The following KLRG1 variants were observed in gnomAD, a reference collection of about 807,000 sequenced individuals.
KLRG1 encodes killer cell lectin like receptor G1.
KLRG1 carries 16 observed loss-of-function variants against 21.8 expected under a neutral mutation model. The observed-to-expected ratio is 0.73, with a 90% CI of 0.50 to 1.11. KLRG1 has a LOEUF of 1.11. Among genes scored for constraint, KLRG1 ranks in the 50% most tolerant of loss-of-function variants. KLRG1 has a pLI of 0.00. For missense variants in KLRG1, 173 were observed against 218.3 expected (o/e 0.79, Z 1.31); for synonymous variants, 69 against 75.9 (o/e 0.91, Z 0.47).
At chr12:9,158,218 G>A in the KLRG1 span, among the ~76,000 whole-genome samples, 1 of 152,192 alleles carries the variant, frequency 6.6e-6, no homozygotes, top group Non-Finnish European at 1.5e-5. Flanking sequence ...GCCTCCCAAA[G>A]TGCTGTGATT....
intron 1 of KLRG1, among the ~76,000 whole-genome samples, chr12:8,961,961 C>T (rs1363890575): frequency 6.6e-6 from 1 of 152,120 alleles, no homozygotes; most frequent in Non-Finnish European, 1.5e-5. Flanking sequence ...TGGTACGCAC[C>T]TGTAGTCCCA....
At chr12:9,050,637 G>A in the KLRG1 span, among the ~76,000 whole-genome samples, 1 of 152,144 alleles carries the variant, frequency 6.6e-6, no homozygotes, top group African/African-American at 2.4e-5. Flanking sequence ...GGGGCCGGGA[G>A]TAGGCAGGAT....
At chr12:9,080,710 G>A in the KLRG1 span, among the ~76,000 whole-genome samples, 30 of 152,178 alleles carry the variant, frequency 2.0e-4, 1 homozygote, top group South Asian at 5.2e-3. Flanking sequence ...AAGTGAAGAC[G>A]AACAGTATTT....
the KLRG1 span, among the ~76,000 whole-genome samples, chr12:9,195,746 G>A: frequency 1.3e-5 from 2 of 149,700 alleles, no homozygotes; most frequent in South Asian, 2.1e-4. Context: ...GAGCCACTAT[G>A]CCTGGCCAAA....
the KLRG1 span, among the ~76,000 whole-genome samples, chr12:9,141,904 G>T: frequency 6.6e-6 from 1 of 152,164 alleles, no homozygotes; most frequent in Non-Finnish European, 1.5e-5. Context: ...TTACCTAGCT[G>T]CAAAGCAGGC....
chr12:9,047,836 T>G, the KLRG1 span, among the ~76,000 whole-genome samples: 1 of 152,218 alleles, frequency 6.6e-6, no homozygotes, highest in Non-Finnish European at 1.5e-5. Flanking sequence ...CCTGAGTTTT[T>G]GTATACTTAA....
At chr12:9,026,838 GT>G in the KLRG1 span, among the ~76,000 whole-genome samples, 10 of 151,532 alleles carry the variant, frequency 6.6e-5, no homozygotes, top group African/African-American at 1.5e-4. Context: ...TACATTTTAA[GT>G]TTTAAAAAAA....
chr12:9,100,484 G>A, the KLRG1 span, among the ~76,000 whole-genome samples: 1 of 150,770 alleles, frequency 6.6e-6, no homozygotes, highest in Non-Finnish European at 1.5e-5. Context: ...TCACTATGTT[G>A]ACCAGGCTGG....
the KLRG1 span, chr12:9,194,101 G>C: frequency 1.2e-6 from 2 of 1,613,510 alleles, no homozygotes; most frequent in Non-Finnish European, 8.5e-7. Flanking sequence ...TATTAACCGA[G>C]ATACTGGTAG....
chr12:8,966,398 G>A (rs1368652959), intron 1 of KLRG1, among the ~76,000 whole-genome samples: 1 of 151,992 alleles, frequency 6.6e-6, no homozygotes, highest in African/African-American at 2.4e-5. Flanking sequence ...AGAGTGAACA[G>A]GCAACCTACA....
the KLRG1 span, among the ~76,000 whole-genome samples, chr12:9,191,930 G>A: frequency 6.6e-6 from 1 of 152,152 alleles, no homozygotes; most frequent in Non-Finnish European, 1.5e-5. Flanking sequence ...TTTGAAAAGA[G>A]CTTTGTTTTG....
the KLRG1 span, among the ~76,000 whole-genome samples, chr12:9,104,564 C>G: frequency 1.2e-4 from 18 of 152,100 alleles, no homozygotes; most frequent in South Asian, 8.3e-4. Context: ...ACAGAGCTTA[C>G]TGTCTAGTGA....
chr12:8,983,395 C>CTTTTT (rs764267755), intron 1 of KLRG1, among the ~76,000 whole-genome samples: 6 of 89,510 alleles, frequency 6.7e-5, no homozygotes, highest in Admixed American at 1.6e-4. Context: ...ACCATTTTAC[C>CTTTTT]TTTTTTTTTT....
At chr12:9,161,904 T>A in the KLRG1 span, among the ~76,000 whole-genome samples, 1 of 152,216 alleles carries the variant, frequency 6.6e-6, no homozygotes, top group Non-Finnish European at 1.5e-5. Context: ...TTTTAGAGAC[T>A]ATCTCTTGGG....
chr12:9,119,048 G>GT, the KLRG1 span, among the ~76,000 whole-genome samples: 6 of 152,202 alleles, frequency 3.9e-5, no homozygotes, highest in Non-Finnish European at 5.9e-5. Context: ...AGGTCTCTGA[G>GT]TCCCACGGAA....
the KLRG1 span, chr12:9,094,876 CTTTT>C: frequency 1.7e-6 from 1 of 593,476 alleles, no homozygotes; most frequent in Non-Finnish European, 2.7e-6. Context: ...CTCACATGTC[CTTTT>C]TGTTTGTTAA....
chr12:9,002,242 C>T (rs773060397), intron 3 of KLRG1, among the ~76,000 whole-genome samples: 2 of 152,152 alleles, frequency 1.3e-5, no homozygotes, highest in East Asian at 1.9e-4. Flanking sequence ...AAATAACTTA[C>T]ATACATTCTG....
chr12:9,038,735 A>T, the KLRG1 span, among the ~76,000 whole-genome samples: 4 of 151,938 alleles, frequency 2.6e-5, no homozygotes, highest in African/African-American at 9.7e-5. Context: ...AGCTGTATGT[A>T]GAGGAAAACA....
chr12:9,043,629 A>G, the KLRG1 span, among the ~76,000 whole-genome samples: 1 of 152,234 alleles, frequency 6.6e-6, no homozygotes, highest in African/African-American at 2.4e-5. Flanking sequence ...AGGTGGCCAC[A>G]ATAATATCTC....
Sources: allele counts gnomAD v4.1 joint callset (sites outside exome capture counted in the v4.1 genomes callset), GRCh38; gene constraint gnomAD v4.1.1; transcripts MANE v1.5; gene names NCBI Gene and HGNC (gene_info 2026-07-23, HGNC 2026-07-21).